Variants in KPNA7 observed in about 807,000 individuals in gnomAD.
KPNA7 encodes the protein importin subunit alpha-8.
KPNA7 carries 54 observed loss-of-function variants against 53.7 expected under a neutral mutation model. That is an observed-to-expected ratio of 1.01 (90% CI 0.81 to 1.26). The LOEUF (loss-of-function observed/expected upper bound fraction) is 1.26, where lower values mean the gene tolerates loss of function less well. KPNA7 is among the 50% of genes most tolerant of loss of function. The probability of loss-of-function intolerance (pLI) is 0.00; values close to 1 mark genes in which losing one functional copy is unlikely to be tolerated. For missense variants in KPNA7, 640 were observed against 644.5 expected (o/e 0.99, Z 0.07); for synonymous variants, 276 against 259.3 (o/e 1.06, Z -0.62).
intron 7 of KPNA7, among the ~76,000 whole-genome samples, 152 bp downstream of exon 7, chr7:99,188,148 C>T (rs920020831): frequency 4.9e-5 from 6 of 122,292 alleles, no homozygotes; most frequent in Non-Finnish European, 9.6e-5. Context: ...GCATTCCAGC[C>T]TGGGTGACAG....
the KPNA7 span, among the ~76,000 whole-genome samples, chr7:99,165,879 A>G: frequency 6.6e-6 from 1 of 152,150 alleles, no homozygotes; most frequent in African/African-American, 2.4e-5. Context: ...TCTCATGTCA[A>G]ATAGTAATCC....
intron 6 of KPNA7, among the ~76,000 whole-genome samples, chr7:99,190,349 A>AG (rs1789876957): frequency 6.9e-6 from 1 of 144,456 alleles, no homozygotes; most frequent in African/African-American, 2.5e-5. Context: ...AAAAAAAAAA[A>AG]GCAGAAAAAA....
intron 2 of KPNA7, 34 bp from the exon 3 acceptor site, chr7:99,203,274 CA>C: frequency 1.3e-6 from 2 of 1,544,066 alleles, no homozygotes; most frequent in South Asian, 2.4e-5. Flanking sequence ...CATTTAGAAC[CA>C]GGAGTGGGGA....
downstream of KPNA7, among the ~76,000 whole-genome samples, chr7:99,169,051 G>C (rs1358182416): frequency 1.3e-5 from 2 of 152,126 alleles, no homozygotes; most frequent in Non-Finnish European, 2.9e-5. Context: ...ACCTGGCCGT[G>C]GTGGCACACG....
the KPNA7 span, among the ~76,000 whole-genome samples, chr7:99,153,014 C>T: frequency 6.6e-6 from 1 of 152,154 alleles, no homozygotes; most frequent in African/African-American, 2.4e-5. Flanking sequence ...CACCATGCAT[C>T]GGAATGGAAT....
intron 1 of KPNA7, among the ~76,000 whole-genome samples, chr7:99,216,764 G>T (rs1010246563): frequency 6.6e-6 from 1 of 152,072 alleles, no homozygotes; most frequent in Non-Finnish European, 1.5e-5. Flanking sequence ...GTTTCACCAT[G>T]TTGGCCAGGC....
At chr7:99,217,592 G>T (rs1357328418) in intron 1 of KPNA7, among the ~76,000 whole-genome samples, 1 of 146,690 alleles carries the variant, frequency 6.8e-6, no homozygotes, top group Admixed American at 6.9e-5. Flanking sequence ...GAGGAGAAAA[G>T]GCCCAGGAAC....
At chr7:99,207,041 ATTTT>A (rs34306427) in intron 2 of KPNA7, among the ~76,000 whole-genome samples, 3 of 149,282 alleles carry the variant, frequency 2.0e-5, no homozygotes, top group Non-Finnish European at 4.5e-5. Flanking sequence ...GCCCCCCGCT[ATTTT>A]TTTTTTGAGA....
chr7:99,184,927 AC>A lies in KPNA7; in HGVS notation c.1134+1del. The A allele has an allele frequency of 6.4e-7, 1 of 1,551,760 alleles. No homozygotes were observed. Among genetic ancestry groups the A allele is most frequent in the Non-Finnish European group, 8.7e-7 (1 of 1,146,854 alleles). On this transcript the variant is annotated splice_donor_variant, in intron 8 of 10. Coordinates refer to ENST00000327442, the MANE Select transcript of KPNA7 (RefSeq NM_001145715.3). LOFTEE classifies it high-confidence loss of function. ...GCCATGGTTGCTGTGTGCGCCACTT[AC>A]GTTTTTTAGCAGAGCCACCAAGGGA...
the KPNA7 span, among the ~76,000 whole-genome samples, chr7:99,166,849 G>C: frequency 2.0e-5 from 3 of 150,700 alleles, no homozygotes; most frequent in African/African-American, 7.3e-5. Flanking sequence ...TCAAACTCCT[G>C]ACCTCGTGAT....
chr7:99,193,709 A>G (rs1186398618), intron 5 of KPNA7, among the ~76,000 whole-genome samples: 1 of 149,690 alleles, frequency 6.7e-6, no homozygotes, highest in Non-Finnish European at 1.5e-5. Flanking sequence ...ACAGGATCTC[A>G]CTCTATTGCC....
chr7:99,188,571 A>G lies in KPNA7; in HGVS notation c.637-8T>C. On this transcript the variant is annotated splice_region_variant and splice_polypyrimidine_tract_variant and intron_variant, in intron 6 of 10. Transcript: ENST00000327442. Reference sequence around the variant, plus strand: ...GTTCCGCAGAAATGTGATCTGTAACAAGGAGACTGCCTCCAGCATTGGGTG... The same window carrying G: ...GTTCCGCAGAAATGTGATCTGTAACGAGGAGACTGCCTCCAGCATTGGGTG... The G allele has an allele frequency of 1.3e-6, 2 of 1,548,724 alleles. No individual in the cohort carries two copies. Among genetic ancestry groups the G allele is most frequent in the Non-Finnish European group, 1.7e-6 (2 of 1,144,352 alleles).
At chr7:99,209,794 G>C (rs1222687279), upstream of KPNA7, among the ~76,000 whole-genome samples, 2 of 151,198 alleles carry the variant, frequency 1.3e-5, no homozygotes, top group Admixed American at 1.3e-4. Flanking sequence ...CTTGCTTAAG[G>C]CCAGGTGTTC....
intron 2 of KPNA7, among the ~76,000 whole-genome samples, chr7:99,204,736 C>T (rs760140748): frequency 1.9e-4 from 28 of 151,116 alleles, no homozygotes; most frequent in Non-Finnish European, 3.8e-4. Flanking sequence ...ATTAGCCAGG[C>T]ATGGTGCTAC....
upstream of KPNA7, among the ~76,000 whole-genome samples, chr7:99,211,267 A>G (rs1212876460): frequency 6.6e-6 from 1 of 152,150 alleles, no homozygotes; most frequent in Non-Finnish European, 1.5e-5. Context: ...TAAAAATACA[A>G]AGATTAGCCA....
chr7:99,218,887 C>T (rs2150792701), intron 1 of KPNA7, among the ~76,000 whole-genome samples: 2 of 152,370 alleles, frequency 1.3e-5, no homozygotes, highest in Middle Eastern at 3.4e-3. Context: ...AGGACTCAGC[C>T]ACGTCTGGAG....
chr7:99,181,433 T>C (rs1043084860), intron 9 of KPNA7, among the ~76,000 whole-genome samples: 6 of 152,212 alleles, frequency 3.9e-5, no homozygotes, highest in African/African-American at 7.2e-5. Context: ...ATCTGGCACA[T>C]AGACATTTGT....
At chr7:99,182,969 G>A (rs1440414670) in intron 8 of KPNA7, among the ~76,000 whole-genome samples, 5 of 151,984 alleles carry the variant, frequency 3.3e-5, no homozygotes, top group African/African-American at 7.2e-5. Context: ...TTGAAATATC[G>A]TTCAGGTCGG....
chr7:99,196,566 GT>G (rs1790239488), intron 3 of KPNA7, among the ~76,000 whole-genome samples: 1 of 152,212 alleles, frequency 6.6e-6, no homozygotes, highest in South Asian at 2.1e-4. Context: ...GCGGCCAATT[GT>G]TTTATTCAAG....
Sources: gnomAD v4.1 joint callset for allele counts (sites outside exome capture counted in the v4.1 genomes callset) on GRCh38, gnomAD v4.1.1 for gene constraint, MANE v1.5 for transcripts, NCBI Gene and HGNC (gene_info 2026-07-23, HGNC 2026-07-21) for gene names.